The following COL6A5 variants were observed in gnomAD, a reference collection of about 807,000 sequenced individuals.
The protein encoded by COL6A5 is collagen alpha-5(VI) chain.
Under a neutral mutation model 65.6 loss-of-function variants are expected in COL6A5, and 48 were observed. The observed-to-expected ratio is 0.73, with a 90% CI of 0.58 to 0.93. The LOEUF (loss-of-function observed/expected upper bound fraction) is 0.93. Ranked by LOEUF, COL6A5 falls within the 40% of genes least tolerant of loss-of-function variation. The pLI, the probability that COL6A5 is intolerant of heterozygous loss-of-function variation, is 0.00. For missense variants in COL6A5, 914 were observed against 928.3 expected, an observed-to-expected ratio of 0.98 and a Z score of 0.20; for synonymous variants, 291 against 322.8, an observed-to-expected ratio of 0.90 and a Z score of 1.05.
intron 7 of COL6A5, among the ~76,000 whole-genome samples, 152 bp from the exon 41 acceptor site, chr3:130,483,883 A>G (rs1710313544): frequency 6.6e-6 from 1 of 152,168 alleles, no homozygotes; most frequent in Non-Finnish European, 1.5e-5. Flanking sequence ...CTATTATCAC[A>G]TCACCCTGAG....
At chr3:130,405,896 G>T (rs945775230) in intron 14 of COL6A5, 97 bp from the exon 15 acceptor site, 2 of 1,223,414 alleles carry the variant, frequency 1.6e-6, no homozygotes, top group Non-Finnish European at 2.4e-6. Context: ...AGCCCGAAGC[G>T]ACTAAAGAAA....
In COL6A5 at chr3:130,423,906, T is replaced by C. The variant is rs745774798; in HGVS notation, c.5163+6T>C. Reference sequence around the variant, plus strand: ...CAGGCCCTCCTGGACAGAGAGTAAGTGTATCCATAAGAACTAAATAGGATA... The same window carrying C: ...CAGGCCCTCCTGGACAGAGAGTAAGCGTATCCATAAGAACTAAATAGGATA... On this transcript the variant is annotated splice_donor_region_variant and intron_variant and NMD_transcript_variant, in intron 29 of 41. Coordinates refer to the COL6A5 transcript ENST00000312481. The C allele has an allele frequency of 8.1e-5, 125 of 1,545,302 alleles. No individual in the cohort carries two copies. Among genetic ancestry groups the C allele is most frequent in the Non-Finnish European group, 1.0e-4 (116 of 1,141,778 alleles).
exon 4 of COL6A5, chr3:130,379,907 C>G: frequency 6.4e-7 from 1 of 1,551,342 alleles, no homozygotes; most frequent in Non-Finnish European, 8.7e-7. Flanking sequence ...GAAATAGTGT[C>G]TTATCCTCCA....
At chr3:130,472,353 C>T (rs970848665) in intron 7 of COL6A5, among the ~76,000 whole-genome samples, 6 of 151,958 alleles carry the variant, frequency 3.9e-5, no homozygotes, top group African/African-American at 1.4e-4. Flanking sequence ...TTAGCTGAGC[C>T]TCAGCCTCAG....
intron 1 of COL6A5, among the ~76,000 whole-genome samples, chr3:130,365,158 A>G (rs1935286714): frequency 6.6e-6 from 1 of 152,252 alleles, no homozygotes; most frequent in Non-Finnish European, 1.5e-5. Flanking sequence ...TTCCTGGAGT[A>G]GGAGTGAGGT....
chr3:130,385,263 A>C (rs1447906331), exon 5 of COL6A5: 1 of 1,551,002 alleles, frequency 6.4e-7, no homozygotes, highest in South Asian at 1.2e-5. Context: ...ATAGAACTGC[A>C]AGAAATTGCT....
At chr3:130,477,856 G>C (rs1710137581) in intron 7 of COL6A5, among the ~76,000 whole-genome samples, 1 of 152,058 alleles carries the variant, frequency 6.6e-6, no homozygotes, top group African/African-American at 2.4e-5. Context: ...TTTTTCTGCA[G>C]GACTTTTTAT....
In COL6A5 at chr3:130,398,017, C is replaced by T; in HGVS notation, c.3910-13C>T. ...TTTAGCTTTTACACCATACCATTTT[C>T]TTATTTCTCCAGGTGCTGCTTATTT... is the stretch of plus-strand genomic sequence containing the variant. On this transcript the variant is annotated splice_polypyrimidine_tract_variant and intron_variant and NMD_transcript_variant, in intron 9 of 41. Coordinates refer to the COL6A5 transcript ENST00000312481. 6.5e-7 allele frequency: 1 copy of T among 1,549,494 alleles called. No individual in the cohort carries two copies. The highest frequency in any genetic ancestry group is 1.2e-5 in the South Asian group (1 of 83,926).
chr3:130,402,658 G>C (rs1473045316), intron 12 of COL6A5, among the ~76,000 whole-genome samples: 1 of 152,070 alleles, frequency 6.6e-6, no homozygotes, highest in Admixed American at 6.5e-5. Flanking sequence ...AGAGGCTGGG[G>C]GTGAATTGTG....
chr3:130,388,921 A>C, exon 6 of COL6A5: 1 of 1,547,988 alleles, frequency 6.5e-7, no homozygotes, highest in South Asian at 1.2e-5. Context: ...TCTCATCCTC[A>C]TCACAGATGG....
intron 25 of COL6A5, among the ~76,000 whole-genome samples, chr3:130,419,382 C>G (rs990014170): frequency 1.3e-5 from 2 of 152,120 alleles, no homozygotes; most frequent in African/African-American, 4.8e-5. Flanking sequence ...GCTCATGGAG[C>G]AGCCAGTATA....
chr3:130,382,734 C>A (rs76450658), intron 4 of COL6A5, among the ~76,000 whole-genome samples: 164 of 152,226 alleles, frequency 1.1e-3, no homozygotes, highest in African/African-American at 3.8e-3. Flanking sequence ...CCTGCTATAT[C>A]TACTACATCT....
chr3:130,402,192 G>T (rs972094448), intron 12 of COL6A5, among the ~76,000 whole-genome samples: 3 of 152,152 alleles, frequency 2.0e-5, no homozygotes, highest in African/African-American at 7.2e-5. Flanking sequence ...TGTAATCCCA[G>T]CTACTTGGGA....
At chr3:130,365,468 G>A (rs1489811935) in intron 1 of COL6A5, among the ~76,000 whole-genome samples, 2 of 152,062 alleles carry the variant, frequency 1.3e-5, no homozygotes, top group Non-Finnish European at 2.9e-5. Context: ...TAGTAGAGAC[G>A]GGGTTTCACC....
rs771205653 is a variant in COL6A5, at chr3:130,410,082, G to A, written c.4608+8G>A. 9.1e-6 allele frequency: 14 copies of A among 1,539,810 alleles called. No homozygotes were observed. In the South Asian group the frequency reaches 1.7e-4, roughly 18 times the overall value. On this transcript the variant is annotated splice_region_variant and intron_variant and NMD_transcript_variant, in intron 19 of 41. Transcript: ENST00000312481. ...GGAGAACAAGGAAGACAAGTAATTTGATCTGTTTTATCTATGAGTTGATTA... is the reference window on the plus strand; with the variant it reads ...GGAGAACAAGGAAGACAAGTAATTTAATCTGTTTTATCTATGAGTTGATTA...
intron 1 of COL6A5, among the ~76,000 whole-genome samples, chr3:130,360,795 AC>A (rs1935079334): frequency 6.6e-6 from 1 of 152,058 alleles, no homozygotes; most frequent in South Asian, 2.1e-4. Context: ...AACAAAGTCA[AC>A]CCTTTTGAGA....
exon 5 of COL6A5, chr3:130,385,167 C>T (rs1214814893): frequency 1.9e-5 from 30 of 1,550,946 alleles, no homozygotes; most frequent in Admixed American, 5.9e-5. Context: ...GATGGGATGT[C>T]CACAGACAGA....
intron 11 of COL6A5, among the ~76,000 whole-genome samples, 196 bp from the exon 12 acceptor site, chr3:130,401,566 C>T (rs984092541): frequency 6.6e-6 from 1 of 152,176 alleles, no homozygotes; most frequent in Non-Finnish European, 1.5e-5. Flanking sequence ...TCTGGAGAGG[C>T]GATGTTGCCA....
rs78059436 is a variant in COL6A5 at position 130,412,813 on chromosome 3, T to G, written c.4663-732T>G. Among the ~76,000 whole-genome samples, 406 of 152,258 alleles carry G rather than the reference T, an allele frequency of 2.7e-3. 11 individuals are homozygous for G. The East Asian group carries it at 0.045, about 17-fold the overall frequency. On this transcript the variant is annotated intron_variant and NMD_transcript_variant, in intron 20 of 41. Coordinates refer to the COL6A5 transcript ENST00000312481. ...GCTGATACTTGATCTGATAGTTTAT[T>G]CTAAGGACCTTCAGAAGGTGGGCAG... is the stretch of plus-strand genomic sequence containing the variant.
Sources: gnomAD v4.1 joint callset for allele counts (sites outside exome capture counted in the v4.1 genomes callset) on GRCh38, gnomAD v4.1.1 for gene constraint, MANE v1.5 for transcripts, NCBI Gene and HGNC (gene_info 2026-07-23, HGNC 2026-07-21) for gene names.